ARHGAP32: variants seen among roughly 807,000 people sequenced by gnomAD.
ARHGAP32 encodes the protein rho GTPase-activating protein 32.
In ARHGAP32, 51 loss-of-function variants were observed where a neutral mutation model predicts 186.5. The ratio of observed to expected loss-of-function variants is 0.27; its 90% CI spans 0.22 to 0.35. The LOEUF (loss-of-function observed/expected upper bound fraction) is 0.35, where lower values mean the gene tolerates loss of function less well. Ranked by LOEUF, ARHGAP32 falls within the 10% of genes least tolerant of loss-of-function variation. ARHGAP32 has a pLI of 1.00. For synonymous variants in ARHGAP32, 950 were observed against 964.3 expected, an observed-to-expected ratio of 0.99 and a Z score of 0.27; for missense variants, 2,186 against 2,623.5, an observed-to-expected ratio of 0.83 and a Z score of 3.64.
At chr11:128,998,725 C>G (rs1038355122) in intron 11 of ARHGAP32, among the ~76,000 whole-genome samples, 31 of 152,130 alleles carry the variant, frequency 2.0e-4, no homozygotes, top group African/African-American at 7.5e-4. Context: ...GGCAGAAGAA[C>G]ATAAATTGTG....
intron 1 of ARHGAP32, among the ~76,000 whole-genome samples, chr11:129,223,784 G>C (rs1944745081): frequency 6.6e-6 from 1 of 152,110 alleles, no homozygotes; most frequent in South Asian, 2.1e-4. Context: ...CTACATGCCA[G>C]GATTTCCCAA....
chr11:129,093,571 A>C lies in ARHGAP32; in HGVS notation c.531+50T>G. 2.3e-6 allele frequency: 3 copies of C among 1,285,072 alleles called. No individual in the cohort carries two copies. In the East Asian group the frequency reaches 7.2e-5, roughly 31 times the overall value. The allele number at this position is 1,285,072 out of a possible 1,614,324, so 79.6% of individuals were successfully genotyped here. On this transcript the variant is annotated intron_variant, in intron 6 of 22. Transcript: ENST00000682385. ...ATAGAAATAAATTTAATCATCACTC[A>C]ACCTAATTCTTAACTTCATATGAAA...
intron 7 of ARHGAP32, among the ~76,000 whole-genome samples, chr11:129,066,504 G>C (rs529387941): frequency 6.6e-6 from 1 of 151,980 alleles, no homozygotes; most frequent in Admixed American, 6.6e-5. Context: ...TATATTGCTT[G>C]TTGATATATT....
intron 1 of ARHGAP32, among the ~76,000 whole-genome samples, chr11:129,277,084 A>T (rs1476262429): frequency 6.6e-6 from 1 of 152,246 alleles, no homozygotes; most frequent in Non-Finnish European, 1.5e-5. Context: ...TGAAGAAAAC[A>T]GATGCCTAGT....
intron 6 of ARHGAP32, among the ~76,000 whole-genome samples, chr11:129,088,363 C>G (rs562657039): frequency 6.6e-6 from 1 of 152,074 alleles, no homozygotes; most frequent in Non-Finnish European, 1.5e-5. Flanking sequence ...GGGTGGATCA[C>G]GAGGTCAGGA....
intron 2 of ARHGAP32, among the ~76,000 whole-genome samples, chr11:129,160,941 T>C (rs1943516024): frequency 6.6e-6 from 1 of 152,218 alleles, no homozygotes; most frequent in South Asian, 2.1e-4. Context: ...AGCATGGTAC[T>C]GGTGCCAAAA....
intron 11 of ARHGAP32, among the ~76,000 whole-genome samples, chr11:129,039,606 G>A (rs1041478152): frequency 2.0e-5 from 3 of 152,206 alleles, no homozygotes; most frequent in African/African-American, 7.2e-5. Flanking sequence ...ATGGATATGG[G>A]ATTTCTTCAT....
chr11:129,009,632 C>G (rs1257480306), intron 11 of ARHGAP32, among the ~76,000 whole-genome samples: 1 of 152,178 alleles, frequency 6.6e-6, no homozygotes, highest in Non-Finnish European at 1.5e-5. Context: ...ATAATGGCTT[C>G]TAGCCCCAAA....
At chr11:129,107,868 C>CAAAAA (rs71057924) in intron 5 of ARHGAP32, among the ~76,000 whole-genome samples, 37 of 93,290 alleles carry the variant, frequency 4.0e-4, no homozygotes, top group East Asian at 1.3e-3. Context: ...AACTATGTTT[C>CAAAAA]AAAAAAAAAA....
chr11:129,132,912 G>A (rs1321035506), intron 2 of ARHGAP32, among the ~76,000 whole-genome samples: 1 of 152,148 alleles, frequency 6.6e-6, no homozygotes, highest in African/African-American at 2.4e-5. Flanking sequence ...ATAAATTTTA[G>A]AACAGAGAAA....
At chr11:129,163,035 A>G (rs1307589416) in intron 2 of ARHGAP32, among the ~76,000 whole-genome samples, 1 of 152,196 alleles carries the variant, frequency 6.6e-6, no homozygotes, top group Admixed American at 6.6e-5. Context: ...GAGAACTTCC[A>G]CCTAATCTTT....
At chr11:129,041,818 A>G (rs1939605199) in intron 10 of ARHGAP32, among the ~76,000 whole-genome samples, 1 of 152,258 alleles carries the variant, frequency 6.6e-6, no homozygotes, top group Admixed American at 6.5e-5. Context: ...AGCAAAGAGG[A>G]AATCTTTATC....
At chr11:129,253,366 A>C (rs1309079585) in intron 1 of ARHGAP32, among the ~76,000 whole-genome samples, 1 of 152,214 alleles carries the variant, frequency 6.6e-6, no homozygotes, top group African/African-American at 2.4e-5. Context: ...AGTGATAGAT[A>C]GGAAACATAA....
chr11:129,190,109 A>T (rs760329249), intron 1 of ARHGAP32, among the ~76,000 whole-genome samples: 15 of 152,234 alleles, frequency 9.9e-5, no homozygotes. Context: ...AGACATTTTT[A>T]AAATTATTAC....
intron 6 of ARHGAP32, among the ~76,000 whole-genome samples, 165 bp downstream of exon 6, chr11:129,093,456 A>C (rs1941638269): frequency 1.3e-5 from 2 of 152,018 alleles, no homozygotes; most frequent in African/African-American, 4.8e-5. Context: ...AATACCATTT[A>C]TTTTCTTACA....
chr11:129,059,896 T>C (rs1940420675), intron 10 of ARHGAP32, among the ~76,000 whole-genome samples: 1 of 152,078 alleles, frequency 6.6e-6, no homozygotes, highest in African/African-American at 2.4e-5. Context: ...ACAGGCACAC[T>C]CCAACATGAT....
chr11:129,105,998 A>C (rs919136413), intron 5 of ARHGAP32, among the ~76,000 whole-genome samples: 3 of 152,182 alleles, frequency 2.0e-5, no homozygotes, highest in African/African-American at 7.2e-5. Context: ...CTAAAGTTAA[A>C]ATCTGACTAG....
At position 128,965,630 on chromosome 11, in the gene ARHGAP32, T is replaced by A. The variant is rs969121682; in HGVS notation, c.*3277A>T. 1 of 152,178 alleles carries A rather than the reference T, an allele frequency of 6.6e-6. No homozygotes were observed. The highest frequency in any genetic ancestry group is 1.5e-5 in the Non-Finnish European group (1 of 68,036). The allele number at this position is 152,178 out of a possible 1,614,324, so 9.4% of individuals were successfully genotyped here. ...TTTCTGTAACACACAGTGCTGAAAA[T>A]CACATGCCTCTAACCATGTGGAAGA... On this transcript the variant is annotated 3_prime_UTR_variant, in exon 23 of 23. Transcript: ENST00000682385.
intron 1 of ARHGAP32, among the ~76,000 whole-genome samples, chr11:129,179,354 A>T (rs1943996349): frequency 1.3e-5 from 2 of 152,214 alleles, no homozygotes; most frequent in Admixed American, 6.5e-5. Context: ...TGGGACTGTA[A>T]ACTAGTTCAA....
Sources: gnomAD v4.1 joint callset for allele counts (sites outside exome capture counted in the v4.1 genomes callset) on GRCh38, gnomAD v4.1.1 for gene constraint, MANE v1.5 for transcripts, NCBI Gene and HGNC (gene_info 2026-07-23, HGNC 2026-07-21) for gene names.